The following COL13A1 variants were observed in gnomAD, a reference collection of about 807,000 sequenced individuals.
COL13A1 encodes the protein collagen type XIII alpha 1 chain.
In COL13A1, 89 loss-of-function variants were observed where a neutral mutation model predicts 130.9. That is an observed-to-expected ratio of 0.68 (90% CI 0.57 to 0.81). The LOEUF (loss-of-function observed/expected upper bound fraction) is 0.81. Ranked by LOEUF, COL13A1 falls within the 30% of genes least tolerant of loss-of-function variation. The pLI is 0.00. For synonymous variants in COL13A1, 402 were observed against 341.6 expected, an observed-to-expected ratio of 1.18 and a Z score of -1.95; for missense variants, 879 against 934.6, an observed-to-expected ratio of 0.94 and a Z score of 0.78.
chr10:69,820,794 C>T (rs899500979), intron 1 of COL13A1, among the ~76,000 whole-genome samples: 3 of 152,174 alleles, frequency 2.0e-5, no homozygotes, highest in African/African-American at 7.2e-5. Context: ...CAGGCATTTG[C>T]ACTCACCTTC....
Position 69,957,146 on chromosome 10 carries a change from G to C in COL13A1, c.2184+104G>C, listed in dbSNP as rs559159374. On this transcript the variant is annotated intron_variant, in intron 40 of 40. Coordinates refer to ENST00000645393, the MANE Select transcript of COL13A1 (RefSeq NM_001368882.1). ...GCTACAGATGAGGCAGCAAGACATA[G>C]GTCAAATAGTCACTGTCTCAAAGGC... is the stretch of plus-strand genomic sequence containing the variant. The C allele has an allele frequency of 4.2e-6, 4 of 958,832 alleles. No individual in the cohort carries two copies. In the South Asian group the frequency reaches 5.4e-5, roughly 13 times the overall value. The allele number at this position is 958,832 out of a possible 1,614,324, so 59.4% of individuals were successfully genotyped here. A position where few individuals can be genotyped will look rare whatever the true frequency, so the allele number is the denominator to read the frequency against.
intron 1 of COL13A1, among the ~76,000 whole-genome samples, chr10:69,819,171 G>A (rs569305381): frequency 6.6e-6 from 1 of 152,212 alleles, no homozygotes; most frequent in African/African-American, 2.4e-5. Context: ...GCCCTCTGGG[G>A]TTTACTTGTT....
intron 16 of COL13A1, 33 bp downstream of exon 16, chr10:69,904,992 G>A (rs1364113894): frequency 2.6e-6 from 4 of 1,559,860 alleles, no homozygotes; most frequent in African/African-American, 1.4e-5. Context: ...TGTTGAACAG[G>A]TGGGAGAATT....
intron 2 of COL13A1, among the ~76,000 whole-genome samples, chr10:69,823,673 G>A (rs146391926): frequency 2.0e-4 from 31 of 152,310 alleles, no homozygotes; most frequent in African/African-American, 5.5e-4. Flanking sequence ...GCTGGGGTGG[G>A]AGTCACAGTT....
Position 69,959,020 on chromosome 10 carries a change from G to T in COL13A1, c.*319G>T, listed in dbSNP as rs56014143. On this transcript the variant is annotated 3_prime_UTR_variant, in exon 41 of 41. Coordinates refer to ENST00000645393, the MANE Select transcript of COL13A1 (RefSeq NM_001368882.1). ...AAAGGGGGCCAGCCAGAACTGAGGT[G>T]CTGGCTAGCTCATGTGTGAATTCAC... The T allele has an allele frequency of 4.1e-4, 137 of 335,100 alleles. No individual in the cohort carries two copies. The highest frequency in any genetic ancestry group is 2.8e-3 in the African/African-American group (131 of 46,786). The allele number at this position is 335,100 out of a possible 1,614,324, so 20.8% of individuals were successfully genotyped here.
At chr10:69,860,504 C>T (rs1011214089) in intron 2 of COL13A1, among the ~76,000 whole-genome samples, 1 of 152,208 alleles carries the variant, frequency 6.6e-6, no homozygotes, top group Non-Finnish European at 1.5e-5. Context: ...CTGCTCAACC[C>T]TTAGCCTTTC....
chr10:69,826,963 T>C (rs950905267), intron 2 of COL13A1, among the ~76,000 whole-genome samples: 1 of 152,142 alleles, frequency 6.6e-6, no homozygotes, highest in African/African-American at 2.4e-5. Context: ...TCACAACCCA[T>C]TGGCCAGAAC....
intron 1 of COL13A1, among the ~76,000 whole-genome samples, chr10:69,821,056 T>C (rs753767801): frequency 2.0e-5 from 3 of 152,216 alleles, no homozygotes; most frequent in Admixed American, 6.5e-5. Context: ...AGCAAATAGC[T>C]CTGGCTGTCA....
intron 17 of COL13A1, among the ~76,000 whole-genome samples, chr10:69,909,705 C>T (rs189637670): frequency 6.2e-4 from 95 of 152,360 alleles, no homozygotes; most frequent in African/African-American, 2.1e-3. Flanking sequence ...GCCCCAGCCT[C>T]ACTGGGACAG....
rs893222642 is a variant in COL13A1 at position 69,958,773 on chromosome 10, T to C, written c.*72T>C. On this transcript the variant is annotated 3_prime_UTR_variant, in exon 41 of 41. Transcript: ENST00000645393. ...ATTTATTTTTATACAGTTTTCACTT[T>C]TTGAAAATGCCAGAAGTATGATGCA... is the stretch of plus-strand genomic sequence containing the variant. 14 of 1,597,140 alleles carry C rather than the reference T, an allele frequency of 8.8e-6. No homozygotes were observed. Among genetic ancestry groups the C allele is most frequent in the Middle Eastern group, 1.7e-4 (1 of 6,012 alleles).
intron 29 of COL13A1, 76 bp from the exon 30 acceptor site, chr10:69,930,324 A>C (rs574732162): frequency 5.0e-6 from 7 of 1,390,756 alleles, no homozygotes; most frequent in Non-Finnish European, 1.9e-6. Context: ...AGGCCTTTGG[A>C]CTTTTCTACT....
intron 15 of COL13A1, among the ~76,000 whole-genome samples, chr10:69,904,500 T>TG (rs1204091151): frequency 6.6e-6 from 1 of 152,098 alleles, no homozygotes; most frequent in Non-Finnish European, 1.5e-5. Flanking sequence ...CACAGCACCA[T>TG]GGGCAGAAGG....
chr10:69,873,939 C>T (rs1016826075), intron 4 of COL13A1, among the ~76,000 whole-genome samples: 1 of 152,188 alleles, frequency 6.6e-6, no homozygotes, highest in African/African-American at 2.4e-5. Flanking sequence ...AAAGGCCAGG[C>T]ACTGGCCACA....
intron 22 of COL13A1, among the ~76,000 whole-genome samples, chr10:69,922,153 G>C (rs564693793): frequency 2.0e-5 from 3 of 152,088 alleles, no homozygotes; most frequent in African/African-American, 7.2e-5. Flanking sequence ...GAATTCGGTA[G>C]TGATGACCTG....
At chr10:69,843,999 T>C (rs763225910) in intron 2 of COL13A1, among the ~76,000 whole-genome samples, 8 of 152,148 alleles carry the variant, frequency 5.3e-5, no homozygotes, top group Non-Finnish European at 8.8e-5. Flanking sequence ...GACATAGTCT[T>C]TATCGTCCAG....
In COL13A1 at chr10:69,802,495, G is replaced by A. The variant is rs1379614185; in HGVS notation, c.72G>A (p.Gly24=). The A allele has an allele frequency of 2.0e-6, 3 of 1,532,702 alleles. No homozygotes were observed. The highest frequency in any genetic ancestry group is 2.8e-5 in the African/African-American group (2 of 70,380). The allele number at this position is 1,532,702 out of a possible 1,614,324, so 94.9% of individuals were successfully genotyped here. A position where few individuals can be genotyped will look rare whatever the true frequency, so the allele number is the denominator to read the frequency against. ...ARGPGELGAP[G]TVALVAARAE... is the part of the protein sequence containing the mutation. ...GCCCTGGGGAGTTGGGCGCGCCCGG[G>A]ACGGTGGCTCTGGTGGCGGCGCGGG... The change falls in exon 1 of 41, where the codon GGG becomes GGA. Residue 24 remains glycine, a synonymous_variant. Transcript: ENST00000645393.
intron 2 of COL13A1, among the ~76,000 whole-genome samples, chr10:69,849,145 T>C (rs534548158): frequency 6.6e-6 from 1 of 152,378 alleles, no homozygotes; most frequent in African/African-American, 2.4e-5. Flanking sequence ...AAGGTTCTGA[T>C]ATCACAGTGC....
intron 17 of COL13A1, among the ~76,000 whole-genome samples, chr10:69,914,476 G>A (rs557799327): frequency 1.2e-4 from 18 of 152,338 alleles, no homozygotes; most frequent in Admixed American, 1.0e-3. Context: ...GGACCAGTGG[G>A]AGAAAGTGGC....
At chr10:69,841,769 AG>A (rs1472936503) in intron 2 of COL13A1, among the ~76,000 whole-genome samples, 1 of 152,190 alleles carries the variant, frequency 6.6e-6, no homozygotes, top group African/African-American at 2.4e-5. Flanking sequence ...GGAATTGACC[AG>A]GTAAAGGGCA....
Sources: gnomAD v4.1 joint callset for allele counts (sites outside exome capture counted in the v4.1 genomes callset) on GRCh38, gnomAD v4.1.1 for gene constraint, MANE v1.5 for transcripts, NCBI Gene and HGNC (gene_info 2026-07-23, HGNC 2026-07-21) for gene names.